KCNG2: variants seen among roughly 807,000 people sequenced by gnomAD.
KCNG2 encodes the protein voltage-gated potassium channel regulatory subunit KCNG2.
KCNG2 carries 7 observed loss-of-function variants against 12.3 expected under a neutral mutation model. That is an observed-to-expected ratio of 0.57 (90% CI 0.32 to 1.07). The LOEUF (loss-of-function observed/expected upper bound fraction) is 1.07, where lower values mean the gene tolerates loss of function less well. Among genes scored for constraint, KCNG2 ranks in the 50% least tolerant of loss-of-function variants. The pLI is 0.04. For missense variants in KCNG2, 703 were observed against 726.0 expected (o/e 0.97, Z 0.36); for synonymous variants, 414 against 351.4 (o/e 1.18, Z -1.99).
intron 1 of KCNG2, among the ~76,000 whole-genome samples, chr18:79,841,918 C>T (rs1330566297): frequency 6.6e-6 from 1 of 152,200 alleles, no homozygotes; most frequent in African/African-American, 2.4e-5. Context: ...GTCCACATAG[C>T]ACAATATGGA....
chr18:79,875,626 C>T (rs1201093966), intron 3 of KCNG2, among the ~76,000 whole-genome samples: 4 of 152,182 alleles, frequency 2.6e-5, no homozygotes, highest in Non-Finnish European at 4.4e-5. Flanking sequence ...ACCTTCCCGC[C>T]CTACACGGCA....
chr18:79,839,480 C>T (rs889874602), intron 1 of KCNG2, among the ~76,000 whole-genome samples: 4 of 152,240 alleles, frequency 2.6e-5, no homozygotes, highest in South Asian at 2.1e-4. Flanking sequence ...TCTACTGGAC[C>T]GATTCCTTGG....
chr18:79,867,932 C>T (rs555523740), intron 3 of KCNG2, among the ~76,000 whole-genome samples: 5 of 152,234 alleles, frequency 3.3e-5, no homozygotes, highest in East Asian at 3.9e-4. Flanking sequence ...CCCAAGCCTG[C>T]GGCCCGAGTG....
At chr18:79,867,269 T>C (rs1241720450) in intron 3 of KCNG2, among the ~76,000 whole-genome samples, 1 of 151,768 alleles carries the variant, frequency 6.6e-6, no homozygotes, top group Non-Finnish European at 1.5e-5. Context: ...TCCTGCCCCA[T>C]CCGTCCTGTC....
At chr18:79,871,203 C>A (rs927508556) in intron 3 of KCNG2, among the ~76,000 whole-genome samples, 2 of 152,254 alleles carry the variant, frequency 1.3e-5, no homozygotes, top group Non-Finnish European at 2.9e-5. Context: ...CCTGCACCTG[C>A]GTGAGGCTAA....
chr18:79,817,226 G>A, intron 1 of KCNG2, among the ~76,000 whole-genome samples: 1 of 141,008 alleles, frequency 7.1e-6, no homozygotes, highest in East Asian at 2.0e-4. Flanking sequence ...CTGCCACACG[G>A]CTGTCACACA....
At chr18:79,893,765 T>C (rs1275026027) in intron 3 of KCNG2, among the ~76,000 whole-genome samples, 1 of 152,218 alleles carries the variant, frequency 6.6e-6, no homozygotes, top group Non-Finnish European at 1.5e-5. Context: ...CTGCTTTTGA[T>C]TGGGTTGTTC....
At chr18:79,867,109 G>C (rs945831740) in intron 3 of KCNG2, among the ~76,000 whole-genome samples, 29 of 150,512 alleles carry the variant, frequency 1.9e-4, no homozygotes, top group Non-Finnish European at 4.4e-5. Context: ...AGGTCTGGGT[G>C]CTGAGAGGTC....
At chr18:79,867,532 G>T (rs1379122208) in intron 3 of KCNG2, among the ~76,000 whole-genome samples, 1 of 124,616 alleles carries the variant, frequency 8.0e-6, no homozygotes, top group Non-Finnish European at 1.7e-5. Flanking sequence ...TGTCTGGGGG[G>T]GGACCGTGAG....
chr18:79,892,259 T>C (rs111494012), intron 3 of KCNG2, among the ~76,000 whole-genome samples: 15 of 152,386 alleles, frequency 9.8e-5, no homozygotes, highest in African/African-American at 3.1e-4. Context: ...TTACTTGTTA[T>C]ATCTTCTTGA....
At chr18:79,806,074 G>T (rs1225963646) in intron 1 of KCNG2, among the ~76,000 whole-genome samples, 1 of 152,218 alleles carries the variant, frequency 6.6e-6, no homozygotes, top group East Asian at 1.9e-4. Context: ...CACAGGTGGT[G>T]GGAGTCTGTC....
chr18:79,820,770 C>G (rs2087564469), intron 1 of KCNG2, among the ~76,000 whole-genome samples: 1 of 151,828 alleles, frequency 6.6e-6, no homozygotes, highest in Non-Finnish European at 1.5e-5. Context: ...CACCTCAGCC[C>G]CTGGAGCAGC....
chr18:79,864,990 T>G (rs1034355690), intron 3 of KCNG2, among the ~76,000 whole-genome samples: 6 of 148,694 alleles, frequency 4.0e-5, no homozygotes, highest in Non-Finnish European at 5.9e-5. Flanking sequence ...GAGGTCTGTG[T>G]GCTGAGAGGT....
chr18:79,849,953 G>A (rs1978760967), intron 1 of KCNG2, among the ~76,000 whole-genome samples: 1 of 152,126 alleles, frequency 6.6e-6, no homozygotes, highest in Admixed American at 6.5e-5. Flanking sequence ...TCAGTGGGAG[G>A]GAACGGAGAC....
At chr18:79,866,094 GTGTT>G (rs1979519822) in intron 3 of KCNG2, among the ~76,000 whole-genome samples, 1 of 149,140 alleles carries the variant, frequency 6.7e-6, no homozygotes. Flanking sequence ...TGAGAGGTCT[GTGTT>G]CTGAGGTCTG....
At chr18:79,894,400 G>T (rs1298728591) in intron 3 of KCNG2, among the ~76,000 whole-genome samples, 2 of 148,990 alleles carry the variant, frequency 1.3e-5, no homozygotes, top group Non-Finnish European at 3.0e-5. Flanking sequence ...CTTTTGATTG[G>T]GTTGTTCATG....
intron 2 of KCNG2, among the ~76,000 whole-genome samples, chr18:79,862,576 C>G (rs1171712985): frequency 6.6e-6 from 1 of 152,144 alleles, no homozygotes; most frequent in African/African-American, 2.4e-5. Flanking sequence ...CCGGCATGTG[C>G]GCAGCCGAGG....
At chr18:79,816,454 C>G (rs2087529366) in intron 1 of KCNG2, 1 of 152,246 alleles carries the variant, frequency 6.6e-6, no homozygotes, top group Non-Finnish European at 1.5e-5. Context: ...GGCACCCCAG[C>G]CCTGCACGGG....
chr18:79,855,441 G>A (rs977851482), intron 1 of KCNG2, among the ~76,000 whole-genome samples: 1 of 152,144 alleles, frequency 6.6e-6, no homozygotes, highest in Non-Finnish European at 1.5e-5. Context: ...CACCCCCACT[G>A]CTGGGAACTG....
Sources: allele counts gnomAD v4.1 joint callset (sites outside exome capture counted in the v4.1 genomes callset), GRCh38; gene constraint gnomAD v4.1.1; transcripts MANE v1.5; gene names NCBI Gene and HGNC (gene_info 2026-07-23, HGNC 2026-07-21).